The following GPC5 variants were observed in gnomAD, a reference collection of about 807,000 sequenced individuals.
GPC5 encodes the protein glypican 5.
GPC5 carries 47 observed loss-of-function variants against 53.9 expected under a neutral mutation model. That is an observed-to-expected ratio of 0.87 (90% CI 0.69 to 1.11). The LOEUF is 1.11. Among genes scored for constraint, GPC5 ranks in the 50% most tolerant of loss-of-function variants. The probability of loss-of-function intolerance (pLI) is 0.00; values close to 1 mark genes in which losing one functional copy is unlikely to be tolerated. For missense variants in GPC5, 748 were observed against 713.1 expected, an observed-to-expected ratio of 1.05 and a Z score of -0.56; for synonymous variants, 286 against 263.3, an observed-to-expected ratio of 1.09 and a Z score of -0.84.
At chr13:92,505,741 A>G (rs1880342154) in intron 7 of GPC5, among the ~76,000 whole-genome samples, 1 of 152,160 alleles carries the variant, frequency 6.6e-6, no homozygotes, top group Non-Finnish European at 1.5e-5. Flanking sequence ...TAAGCAAATT[A>G]TGATACATCC....
intron 7 of GPC5, among the ~76,000 whole-genome samples, chr13:92,533,537 A>G (rs533628050): frequency 6.6e-6 from 1 of 152,176 alleles, no homozygotes; most frequent in East Asian, 1.9e-4. Flanking sequence ...AAATATAAGC[A>G]TGTTTTTTTA....
chr13:92,561,618 T>C (rs942711031), intron 7 of GPC5, among the ~76,000 whole-genome samples: 9 of 152,070 alleles, frequency 5.9e-5, no homozygotes, highest in African/African-American at 2.2e-4. Context: ...ATTTCTAGAT[T>C]TCTTTAAAAT....
chr13:92,114,746 G>C (rs1326509), intron 6 of GPC5, among the ~76,000 whole-genome samples: 1 of 151,924 alleles, frequency 6.6e-6, no homozygotes, highest in African/African-American at 2.4e-5. Flanking sequence ...CTTCCATAAA[G>C]CCAATGTAGT....
intron 7 of GPC5, among the ~76,000 whole-genome samples, chr13:92,797,819 TGATAGATAGATAGATAGATAGATAGATA>T (rs10553721): frequency 7.0e-6 from 1 of 143,494 alleles, no homozygotes; most frequent in Non-Finnish European, 1.5e-5. Context: ...ATTCAAGGGA[TGATAGATAGATAGATAGATAGATAGATA>T]GATAGATAGA....
intron 6 of GPC5, among the ~76,000 whole-genome samples, chr13:92,046,855 G>A (rs566792369): frequency 2.6e-5 from 4 of 152,260 alleles, no homozygotes; most frequent in East Asian, 1.9e-4. Context: ...TAATGCATTC[G>A]TGTATATTTT....
At chr13:92,213,321 C>G (rs1027384015) in intron 7 of GPC5, among the ~76,000 whole-genome samples, 4 of 151,980 alleles carry the variant, frequency 2.6e-5, no homozygotes, top group African/African-American at 9.7e-5. Context: ...TAATGGAAAA[C>G]TTGGGAAGAC....
intron 7 of GPC5, among the ~76,000 whole-genome samples, chr13:92,724,912 A>ACACACACACACACAC (rs1555306824): frequency 4.0e-5 from 5 of 124,690 alleles, no homozygotes; most frequent in South Asian, 2.4e-4. Context: ...ACACACACAC[A>ACACACACACACACAC]AGAAAGAAAA....
chr13:91,926,359 T>TAAAAAAA (rs34690525), intron 6 of GPC5, among the ~76,000 whole-genome samples: 1 of 96,324 alleles, frequency 1.0e-5, no homozygotes, highest in African/African-American at 3.9e-5. Flanking sequence ...AGACTCCACC[T>TAAAAAAA]AAAAAAAAAA....
chr13:92,676,697 C>A (rs989301899), intron 7 of GPC5, among the ~76,000 whole-genome samples: 2 of 152,142 alleles, frequency 1.3e-5, no homozygotes, highest in African/African-American at 2.4e-5. Flanking sequence ...CACGACTATT[C>A]AACCTGCCCA....
chr13:91,957,327 CA>C (rs2040082801), intron 6 of GPC5, among the ~76,000 whole-genome samples: 1 of 152,054 alleles, frequency 6.6e-6, no homozygotes, highest in African/African-American at 2.4e-5. Context: ...ACATGTGGAA[CA>C]CCATAAAGCA....
intron 7 of GPC5, among the ~76,000 whole-genome samples, chr13:92,698,529 A>G (rs199626851): frequency 5.3e-5 from 8 of 152,198 alleles, no homozygotes; most frequent in Admixed American, 6.5e-5. Context: ...GTATTCCATG[A>G]TGTATATGTG....
At chr13:92,627,546 T>G (rs1341751535) in intron 7 of GPC5, among the ~76,000 whole-genome samples, 1 of 152,220 alleles carries the variant, frequency 6.6e-6, no homozygotes, top group Non-Finnish European at 1.5e-5. Context: ...CTACTGTTGC[T>G]GTACTACAAC....
chr13:92,604,886 A>G (rs1884200368), intron 7 of GPC5, among the ~76,000 whole-genome samples: 1 of 152,188 alleles, frequency 6.6e-6, no homozygotes, highest in African/African-American at 2.4e-5. Context: ...TTTTCTTTTG[A>G]TCTTGAAAGT....
intron 7 of GPC5, among the ~76,000 whole-genome samples, chr13:92,814,086 A>G (rs1428014096): frequency 3.9e-5 from 6 of 152,056 alleles, no homozygotes; most frequent in East Asian, 1.9e-4. Context: ...TATATGGTCA[A>G]TTGATTTGTA....
intron 2 of GPC5, among the ~76,000 whole-genome samples, chr13:91,541,264 C>G (rs2029910407): frequency 6.6e-6 from 1 of 151,962 alleles, no homozygotes; most frequent in Non-Finnish European, 1.5e-5. Context: ...TTGTCCATTT[C>G]TTTTCTACTG....
rs144328509 is a variant in GPC5, at chr13:91,991,979, A to G, written c.1401+83922A>G. On this transcript the variant is annotated intron_variant, in intron 6 of 7. Transcript: ENST00000377067. ...ATGTGTTTATGATGTACACATACAT[A>G]TATAGAATTTTATGGTACATGTTAG... Among the ~76,000 whole-genome samples, 26 of 152,356 alleles carry G rather than the reference A, an allele frequency of 1.7e-4. No homozygotes were observed. In the East Asian group the frequency reaches 5.0e-3, roughly 29 times the overall value.
At chr13:91,442,700 G>T (rs946865158) in intron 1 of GPC5, among the ~76,000 whole-genome samples, 2 of 152,190 alleles carry the variant, frequency 1.3e-5, no homozygotes, top group African/African-American at 4.8e-5. Context: ...GACAAGATCA[G>T]ACTCATGTTT....
chr13:92,220,359 C>A (rs1043075140), intron 7 of GPC5, among the ~76,000 whole-genome samples: 6 of 152,170 alleles, frequency 3.9e-5, no homozygotes, highest in Non-Finnish European at 5.9e-5. Context: ...TGAGTTAAAA[C>A]ACTGGTTTTT....
intron 7 of GPC5, among the ~76,000 whole-genome samples, chr13:92,663,846 CACACACACACTATATA>C (rs1886457985): frequency 4.3e-4 from 50 of 115,716 alleles, no homozygotes; most frequent in African/African-American, 1.3e-3. Context: ...TATATATATA[CACACACACACTATATA>C]TATATATATA....
Sources: allele counts gnomAD v4.1 joint callset (sites outside exome capture counted in the v4.1 genomes callset), GRCh38; gene constraint gnomAD v4.1.1; transcripts MANE v1.5; gene names NCBI Gene and HGNC (gene_info 2026-07-23, HGNC 2026-07-21).